ATP2B4: variants seen among roughly 807,000 people sequenced by gnomAD.
The protein encoded by ATP2B4 is ATPase plasma membrane Ca2+ transporting 4.
A neutral mutation model predicts 110.3 loss-of-function variants in ATP2B4; 39 were observed. The ratio of observed to expected loss-of-function variants is 0.35; its 90% CI spans 0.27 to 0.46. ATP2B4 has a LOEUF of 0.46. Ranked by LOEUF, ATP2B4 falls within the 20% of genes least tolerant of loss-of-function variation. The pLI, the probability that ATP2B4 is intolerant of heterozygous loss-of-function variation, is 1.00. For synonymous variants in ATP2B4, 538 were observed against 571.7 expected (o/e 0.94, Z 0.84); for missense variants, 1,135 against 1,530.9 (o/e 0.74, Z 4.32).
intron 1 of ATP2B4, among the ~76,000 whole-genome samples, chr1:203,645,040 G>T (rs1041908367): frequency 6.6e-6 from 1 of 152,196 alleles, no homozygotes; most frequent in African/African-American, 2.4e-5. Context: ...AAACAGGTCA[G>T]GCTATTGGAA....
intron 1 of ATP2B4, among the ~76,000 whole-genome samples, chr1:203,655,887 G>T (rs755327671): frequency 6.6e-6 from 1 of 151,978 alleles, no homozygotes; most frequent in Non-Finnish European, 1.5e-5. Context: ...AGGCTCAGAT[G>T]ATCATTAGCG....
Position 203,682,936 on chromosome 1 carries a change from C to G in ATP2B4, c.-270C>G. 1 of 373,536 alleles carries G rather than the reference C, an allele frequency of 2.7e-6. No individual in the cohort carries two copies. The highest frequency in any genetic ancestry group is 4.9e-6 in the Non-Finnish European group (1 of 202,884). 23.1% of individuals were successfully genotyped at this position (373,536 alleles called of 1,614,324 possible). A position where few individuals can be genotyped will look rare whatever the true frequency, so the allele number is the denominator to read the frequency against. ...CTACTATCATCACCACCTGGGGACA[C>G]CAATCATCGTGACACGGAGTCCACC... On this transcript the variant is annotated 5_prime_UTR_variant, in exon 2 of 21. Coordinates refer to ENST00000357681, the MANE Select transcript of ATP2B4 (RefSeq NM_001684.5).
chr1:203,708,195 G>A, intron 10 of ATP2B4, 91 bp downstream of exon 10: 1 of 1,528,452 alleles, frequency 6.5e-7, no homozygotes, highest in Non-Finnish European at 8.9e-7. Flanking sequence ...TGTTTACACT[G>A]CCTAAATTGC....
At chr1:203,672,731 C>T (rs772538720) in intron 1 of ATP2B4, among the ~76,000 whole-genome samples, 8 of 152,076 alleles carry the variant, frequency 5.3e-5, no homozygotes, top group Non-Finnish European at 1.0e-4. Flanking sequence ...TTTTGTTTTC[C>T]CCTCATCTGT....
At chr1:203,655,799 G>A (rs1664142835) in intron 1 of ATP2B4, among the ~76,000 whole-genome samples, 1 of 152,156 alleles carries the variant, frequency 6.6e-6, no homozygotes, top group Non-Finnish European at 1.5e-5. Context: ...AATTGTCACA[G>A]CTACCCCACC....
In ATP2B4 at chr1:203,630,802, C is replaced by T. The variant is rs77476320; in HGVS notation, c.-465+3583C>T. 3.1e-3 allele frequency among the ~76,000 whole-genome samples: 475 copies of T among 152,322 alleles called. 5 individuals are homozygous for T. In the East Asian group the frequency reaches 0.043, roughly 14 times the overall value. On this transcript the variant is annotated intron_variant, in intron 1 of 20. Coordinates refer to ENST00000357681, the MANE Select transcript of ATP2B4 (RefSeq NM_001684.5). ...GAAAGAGGGATGAGAAAAGCAAGGC[C>T]TCTGCCTTGTCAGACTGGGATGACA...
intron 1 of ATP2B4, chr1:203,657,700 G>T: frequency 1.3e-6 from 1 of 758,596 alleles, no homozygotes; most frequent in South Asian, 1.4e-5. Flanking sequence ...TTCTTCTCAT[G>T]GTAATCCAAA....
chr1:203,668,343 C>G (rs1317215214), intron 1 of ATP2B4, among the ~76,000 whole-genome samples: 2 of 152,116 alleles, frequency 1.3e-5, no homozygotes, highest in Non-Finnish European at 2.9e-5. Flanking sequence ...AGCCACTCCC[C>G]TATTTATGCT....
At chr1:203,683,935 C>T (rs1482220131) in intron 2 of ATP2B4, among the ~76,000 whole-genome samples, 1 of 152,064 alleles carries the variant, frequency 6.6e-6, no homozygotes, top group East Asian at 1.9e-4. Context: ...CTTGGCCTCC[C>T]AAAGTGTTGG....
rs1397234178 is a variant in ATP2B4, at chr1:203,712,086, C to A, written c.2158C>A (p.Leu720Met). The change falls in exon 13 of 21, where the codon CTG becomes ATG. Residue 720 changes from leucine (L) to methionine (M), a missense_variant. Leu to Met is a conservative substitution (Grantham distance 15, BLOSUM62 2). This residue lies in a region of ATP2B4 where 368 missense variants were observed against 455.9 expected (regional missense o/e 0.81). Coordinates refer to ENST00000357681, the MANE Select transcript of ATP2B4 (RefSeq NM_001684.5). ...CATTCTGACACCTGGGGATGACTTC[C>A]TGTGCTTAGAAGGCAAAGAATTCAA... ...CGILTPGDDF[L>M]CLEGKEFNRL... 1.2e-6 allele frequency: 2 copies of A among 1,614,048 alleles called. No individual in the cohort carries two copies. The highest frequency in any genetic ancestry group is 2.7e-5 in the African/African-American group (2 of 74,936).
intron 1 of ATP2B4, among the ~76,000 whole-genome samples, chr1:203,674,353 C>T (rs1001850669): frequency 6.6e-6 from 1 of 152,200 alleles, no homozygotes; most frequent in Non-Finnish European, 1.5e-5. Context: ...ACCCCTACCT[C>T]CACCCCATAC....
chr1:203,680,099 G>T (rs1664957510), intron 1 of ATP2B4, among the ~76,000 whole-genome samples: 4 of 149,610 alleles, frequency 2.7e-5, no homozygotes, highest in Admixed American at 2.0e-4. Flanking sequence ...TTCTGACTCA[G>T]ACTGTCTTTT....
chr1:203,654,647 T>C lies in ATP2B4; in HGVS notation c.-465+27428T>C, dbSNP rs1664102940. On this transcript the variant is annotated intron_variant, in intron 1 of 20. Coordinates refer to ENST00000357681, the MANE Select transcript of ATP2B4 (RefSeq NM_001684.5). ...GCTCATGCTTGTAATCATAGCATTT[T>C]GGGAGGCTGAGGCATGAGGATCACT... is the stretch of plus-strand genomic sequence containing the variant. Among the ~76,000 whole-genome samples, 3 of 152,118 alleles carry C rather than the reference T, an allele frequency of 2.0e-5. No homozygotes were observed. In the South Asian group the frequency reaches 6.2e-4, roughly 32 times the overall value.
chr1:203,631,465 G>C (rs1455543744), intron 1 of ATP2B4, among the ~76,000 whole-genome samples: 1 of 152,170 alleles, frequency 6.6e-6, no homozygotes, highest in East Asian at 1.9e-4. Flanking sequence ...TGCGTTTATT[G>C]GTAGGAAGGT....
intron 17 of ATP2B4, among the ~76,000 whole-genome samples, chr1:203,721,655 TTTTTTTTTTTTTTTTTTTC>T (rs1302011895): frequency 8.2e-6 from 1 of 121,296 alleles, no homozygotes; most frequent in South Asian, 2.9e-4. Flanking sequence ...TCTTTCTTTC[TTTTTTTTTTTTTTTTTTTC>T]TTTTTGGAGA....
intron 10 of ATP2B4, 29 bp downstream of exon 10, chr1:203,708,133 G>A: frequency 6.2e-7 from 1 of 1,610,928 alleles, no homozygotes; most frequent in African/African-American, 1.3e-5. Flanking sequence ...TAGACACTTA[G>A]AGTGGGTGGT....
chr1:203,673,356 G>A (rs747317006), intron 1 of ATP2B4, among the ~76,000 whole-genome samples: 3 of 152,224 alleles, frequency 2.0e-5, no homozygotes, highest in Non-Finnish European at 4.4e-5. Flanking sequence ...CAAGTGCAAG[G>A]AAGCATGATC....
chr1:203,680,273 GTTC>G (rs1351756942), intron 1 of ATP2B4, among the ~76,000 whole-genome samples: 1 of 152,204 alleles, frequency 6.6e-6, no homozygotes, highest in South Asian at 2.1e-4. Context: ...GGAGCTTATT[GTTC>G]TTCTTCTACT....
chr1:203,648,852 A>G (rs141528216), intron 1 of ATP2B4, among the ~76,000 whole-genome samples: 93 of 152,338 alleles, frequency 6.1e-4, no homozygotes, highest in Admixed American at 9.8e-4. Flanking sequence ...TTTCATCATT[A>G]CATTGGTTAT....
Sources: gnomAD v4.1 joint callset for allele counts (sites outside exome capture counted in the v4.1 genomes callset) on GRCh38, gnomAD v4.1.1 for gene constraint, gnomAD v4.1.1 regional missense constraint, MANE v1.5 for transcripts, NCBI Gene and HGNC (gene_info 2026-07-23, HGNC 2026-07-21) for gene names.